PRKG2: variants seen among roughly 807,000 people sequenced by gnomAD.
PRKG2 encodes the protein protein kinase cGMP-dependent 2, also known as cGMP-dependent protein kinase 2.
PRKG2 carries 33 observed loss-of-function variants against 97.2 expected under a neutral mutation model. The observed-to-expected ratio is 0.34, with a 90% confidence interval of 0.26 to 0.45. The LOEUF (loss-of-function observed/expected upper bound fraction) is 0.45. PRKG2 is among the 20% of genes least tolerant of loss of function. The pLI, the probability that PRKG2 is intolerant of heterozygous loss-of-function variation, is 1.00. For synonymous variants in PRKG2, 330 were observed against 321.8 expected (o/e 1.03, Z -0.27); for missense variants, 638 against 900.0 (o/e 0.71, Z 3.73).
intron 14 of PRKG2, among the ~76,000 whole-genome samples, chr4:81,112,101 A>T (rs1179256072): frequency 6.6e-6 from 1 of 152,192 alleles, no homozygotes; most frequent in African/African-American, 2.4e-5. Context: ...TTTACCTTAA[A>T]TAAACCCCTT....
chr4:81,100,543 C>A (rs1226943217), intron 17 of PRKG2, among the ~76,000 whole-genome samples: 1 of 152,078 alleles, frequency 6.6e-6, no homozygotes, highest in African/African-American at 2.4e-5. Context: ...CCCTTCCTTA[C>A]ACCTTATACA....
chr4:81,134,971 T>G (rs1746531442), intron 14 of PRKG2, among the ~76,000 whole-genome samples, 184 bp downstream of exon 14: 1 of 152,256 alleles, frequency 6.6e-6, no homozygotes, highest in South Asian at 2.1e-4. Flanking sequence ...AAACATTAAA[T>G]CCTTAGGTCA....
chr4:81,125,054 TTA>T (rs745642946), intron 14 of PRKG2, among the ~76,000 whole-genome samples: 33 of 152,344 alleles, frequency 2.2e-4, no homozygotes, highest in Non-Finnish European at 3.7e-4. Context: ...TTCCATGTTT[TTA>T]TGTCTCTATT....
chr4:81,148,721 GC>G (rs1259497301), intron 9 of PRKG2, among the ~76,000 whole-genome samples, 162 bp downstream of exon 9: 1 of 152,048 alleles, frequency 6.6e-6, no homozygotes, highest in African/African-American at 2.4e-5. Flanking sequence ...AGATCAGAAG[GC>G]CCTGTTCCTT....
chr4:81,208,563 A>G (rs1222673431), intron 1 of PRKG2, among the ~76,000 whole-genome samples: 1 of 152,096 alleles, frequency 6.6e-6, no homozygotes, highest in Non-Finnish European at 1.5e-5. Flanking sequence ...CTAGGACTAC[A>G]GAGGCACACC....
At chr4:81,095,537 C>T (rs1441953450) in intron 17 of PRKG2, among the ~76,000 whole-genome samples, 1 of 152,208 alleles carries the variant, frequency 6.6e-6, no homozygotes, top group African/African-American at 2.4e-5. Context: ...CTGAATCAAA[C>T]AGCCCATGTG....
chr4:81,183,333 C>A (rs891637314), intron 2 of PRKG2, among the ~76,000 whole-genome samples: 6 of 151,972 alleles, frequency 3.9e-5, no homozygotes, highest in Non-Finnish European at 8.8e-5. Flanking sequence ...GGGTGCAGCC[C>A]ACGGAGGGCA....
chr4:81,135,130 C>T, intron 14 of PRKG2, 25 bp downstream of exon 14: 2 of 1,590,716 alleles, frequency 1.3e-6, no homozygotes, highest in Non-Finnish European at 1.7e-6. Flanking sequence ...TCATATGAGA[C>T]TGTAAGTGAG....
chr4:81,138,297 G>A (rs561354185), intron 12 of PRKG2, among the ~76,000 whole-genome samples: 1 of 152,188 alleles, frequency 6.6e-6, no homozygotes, highest in South Asian at 2.1e-4. Context: ...CAGTTTTGGG[G>A]CCTTAATCAT....
chr4:81,202,095 A>G (rs577544856), intron 2 of PRKG2, among the ~76,000 whole-genome samples: 1 of 152,332 alleles, frequency 6.6e-6, no homozygotes, highest in Admixed American at 6.5e-5. Flanking sequence ...ACTAATGTAT[A>G]CTGTACATCA....
At chr4:81,133,283 T>G (rs886458388) in intron 14 of PRKG2, among the ~76,000 whole-genome samples, 1 of 152,136 alleles carries the variant, frequency 6.6e-6, no homozygotes, top group African/African-American at 2.4e-5. Context: ...AATCTGTCAT[T>G]ACAAATTTGA....
At chr4:81,145,841 A>C (rs1747804568) in intron 9 of PRKG2, among the ~76,000 whole-genome samples, 1 of 152,204 alleles carries the variant, frequency 6.6e-6, no homozygotes, top group African/African-American at 2.4e-5. Context: ...GAGTGAGTTT[A>C]CCTCAAAATA....
intron 6 of PRKG2, among the ~76,000 whole-genome samples, chr4:81,160,756 A>G (rs1749537756): frequency 6.6e-6 from 1 of 152,108 alleles, no homozygotes; most frequent in Non-Finnish European, 1.5e-5. Context: ...ATTTCTTTTT[A>G]TTTATTAACA....
At chr4:81,115,550 G>A (rs1284402576) in intron 14 of PRKG2, among the ~76,000 whole-genome samples, 2 of 152,190 alleles carry the variant, frequency 1.3e-5, no homozygotes, top group Non-Finnish European at 2.9e-5. Context: ...TAGCTGAGGA[G>A]TGATTCAGAA....
chr4:81,207,626 A>G (rs1753752490), intron 1 of PRKG2, among the ~76,000 whole-genome samples: 1 of 152,214 alleles, frequency 6.6e-6, no homozygotes, highest in South Asian at 2.1e-4. Context: ...CTTGAAGCAC[A>G]GTTAGGTAGA....
chr4:81,110,344 A>G, intron 15 of PRKG2, 104 bp downstream of exon 15: 2 of 1,273,408 alleles, frequency 1.6e-6, no homozygotes, highest in Non-Finnish European at 2.1e-6. Context: ...AATCGAAAAC[A>G]TTTTCAAAAT....
chr4:81,128,703 T>C (rs1301327517), intron 14 of PRKG2, among the ~76,000 whole-genome samples: 1 of 152,168 alleles, frequency 6.6e-6, no homozygotes, highest in Admixed American at 6.5e-5. Context: ...ACTGTGTCTA[T>C]TGGATTCTTC....
intron 6 of PRKG2, chr4:81,165,147 A>C (rs1749871481): frequency 1.3e-5 from 2 of 152,168 alleles, no homozygotes; most frequent in Non-Finnish European, 2.9e-5. Context: ...ATCAGAACAC[A>C]AGAAGAGGCT....
intron 8 of PRKG2, among the ~76,000 whole-genome samples, chr4:81,150,060 T>C (rs1261201751): frequency 1.3e-5 from 2 of 152,028 alleles, no homozygotes; most frequent in Non-Finnish European, 1.5e-5. Context: ...GCAGGAAAAT[T>C]TGTGCTTGTA....
Sources: allele counts gnomAD v4.1 joint callset (sites outside exome capture counted in the v4.1 genomes callset), GRCh38; gene constraint gnomAD v4.1.1; transcripts MANE v1.5; gene names NCBI Gene and HGNC (gene_info 2026-07-23, HGNC 2026-07-21).